Variants in NR6A1 observed in about 807,000 individuals in gnomAD.
NR6A1 encodes nuclear receptor subfamily 6 group A member 1.
A neutral mutation model predicts 59.1 loss-of-function variants in NR6A1; 7 were observed. The observed-to-expected ratio is 0.12, with a 90% confidence interval of 0.07 to 0.22. NR6A1 has a LOEUF of 0.22. Among genes scored for constraint, NR6A1 ranks in the 10% least tolerant of loss-of-function variants. The pLI is 1.00. For missense variants in NR6A1, 468 were observed against 611.6 expected, an observed-to-expected ratio of 0.77 and a Z score of 2.48; for synonymous variants, 243 against 236.1, an observed-to-expected ratio of 1.03 and a Z score of -0.27.
At position 124,771,075 on chromosome 9, in the gene NR6A1, C is replaced by G. The variant is rs1841144161; in HGVS notation, c.45G>C (p.Gly15=). The G allele has an allele frequency of 2.4e-6, 3 of 1,230,302 alleles. No homozygotes were observed. The highest frequency in any genetic ancestry group is 3.0e-6 in the Non-Finnish European group (3 of 987,030). The allele number at this position is 1,230,302 out of a possible 1,614,324, so 76.2% of individuals were successfully genotyped here. ...EPPPSGGGGG[G]GSAGFLEPPA... ...GAGGCTCCAGGAACCCCGCCGAGCC[C>G]CCGCCGCCTCCCCCTCCGCTAGGCG... Residue 15 remains glycine (G), a synonymous_variant, in exon 1 of 10, where the codon GGG becomes GGC. Coordinates refer to ENST00000487099, the MANE Select transcript of NR6A1 (RefSeq NM_033334.4).
At chr9:124,561,101 GATATT>G (rs1318190710) in intron 2 of NR6A1, among the ~76,000 whole-genome samples, 1 of 151,790 alleles carries the variant, frequency 6.6e-6, no homozygotes, top group African/African-American at 2.4e-5. Context: ...ATAGAATGTG[GATATT>G]ATATTATATT....
intron 3 of NR6A1, among the ~76,000 whole-genome samples, 176 bp downstream of exon 3, chr9:124,554,152 C>T (rs1356536473): frequency 6.6e-6 from 1 of 152,168 alleles, no homozygotes. Flanking sequence ...TAGTTTTCTT[C>T]CCCCCACCTA....
intron 2 of NR6A1, among the ~76,000 whole-genome samples, chr9:124,675,053 C>T (rs574648979): frequency 6.6e-6 from 1 of 152,294 alleles, no homozygotes; most frequent in South Asian, 2.1e-4. Flanking sequence ...CTTAGAAATG[C>T]CTTCCTGCCT....
At chr9:124,534,658 G>A (rs1588644176) in intron 7 of NR6A1, among the ~76,000 whole-genome samples, 3 of 152,128 alleles carry the variant, frequency 2.0e-5, no homozygotes. Context: ...CATCTCAGAC[G>A]GAGTCAAAGA....
intron 2 of NR6A1, among the ~76,000 whole-genome samples, chr9:124,699,455 T>C (rs908259916): frequency 6.6e-6 from 1 of 152,188 alleles, no homozygotes; most frequent in African/African-American, 2.4e-5. Flanking sequence ...TTATACTCTG[T>C]AGTGGGGTAG....
intron 7 of NR6A1, among the ~76,000 whole-genome samples, chr9:124,527,832 G>C (rs1832983105): frequency 6.6e-6 from 1 of 152,196 alleles, no homozygotes; most frequent in South Asian, 2.1e-4. Flanking sequence ...GGGGATTAAT[G>C]TTTTGGGTAT....
At chr9:124,687,637 A>C (rs1838378848) in intron 2 of NR6A1, among the ~76,000 whole-genome samples, 1 of 152,168 alleles carries the variant, frequency 6.6e-6, no homozygotes, top group South Asian at 2.1e-4. Context: ...ACACTCAAGT[A>C]AACACTCTAG....
chr9:124,598,808 G>A, intron 2 of NR6A1: 1 of 859,086 alleles, frequency 1.2e-6, no homozygotes, highest in Non-Finnish European at 2.0e-6. Flanking sequence ...TTTTTTGCCG[G>A]ATCTTTTCTT....
intron 2 of NR6A1, among the ~76,000 whole-genome samples, chr9:124,730,618 T>G (rs796983573): frequency 6.6e-6 from 1 of 151,158 alleles, no homozygotes; most frequent in African/African-American, 2.4e-5. Context: ...TGTCTCAATG[T>G]CTGTTCATTC....
intron 2 of NR6A1, among the ~76,000 whole-genome samples, chr9:124,555,569 T>A (rs1312654417): frequency 6.6e-6 from 1 of 152,180 alleles, no homozygotes; most frequent in Admixed American, 6.5e-5. Context: ...TGAGCTATGA[T>A]TGCACCACTG....
intron 2 of NR6A1, among the ~76,000 whole-genome samples, chr9:124,571,370 G>A (rs773556741): frequency 7.9e-5 from 12 of 152,154 alleles, no homozygotes; most frequent in East Asian, 3.9e-4. Flanking sequence ...GCATGGATGC[G>A]ATTGCAGAGG....
chr9:124,559,379 T>G (rs556278416), intron 2 of NR6A1, among the ~76,000 whole-genome samples: 5 of 152,308 alleles, frequency 3.3e-5, no homozygotes, highest in African/African-American at 7.2e-5. Context: ...GAGCCAAACC[T>G]GAAGCTTCCC....
intron 2 of NR6A1, among the ~76,000 whole-genome samples, chr9:124,617,503 G>A (rs1835933628): frequency 6.6e-6 from 1 of 152,152 alleles, no homozygotes; most frequent in African/African-American, 2.4e-5. Context: ...TTCTGTACTT[G>A]TATCTTTTCT....
intron 2 of NR6A1, among the ~76,000 whole-genome samples, chr9:124,645,938 A>T (rs533369567): frequency 6.6e-6 from 1 of 152,234 alleles, no homozygotes; most frequent in South Asian, 2.1e-4. Flanking sequence ...TCAGACCACA[A>T]TGGAATTAAA....
intron 2 of NR6A1, among the ~76,000 whole-genome samples, chr9:124,700,791 C>T (rs1838922924): frequency 7.8e-6 from 1 of 128,830 alleles, no homozygotes; most frequent in Non-Finnish European, 1.6e-5. Context: ...GACAAGTTCT[C>T]GCCCTGTGGC....
At chr9:124,552,839 T>C (rs1026487219) in intron 3 of NR6A1, among the ~76,000 whole-genome samples, 1 of 152,196 alleles carries the variant, frequency 6.6e-6, no homozygotes, top group Non-Finnish European at 1.5e-5. Context: ...TAAATGCACT[T>C]CCACATCTCT....
intron 2 of NR6A1, among the ~76,000 whole-genome samples, chr9:124,700,905 C>T (rs980122489): frequency 1.3e-5 from 2 of 151,958 alleles, no homozygotes; most frequent in African/African-American, 4.8e-5. Flanking sequence ...GGATTACAGG[C>T]ACATGCCAAC....
intron 2 of NR6A1, among the ~76,000 whole-genome samples, chr9:124,639,469 G>A (rs906276252): frequency 2.0e-5 from 3 of 152,168 alleles, no homozygotes; most frequent in African/African-American, 7.2e-5. Flanking sequence ...AATGAGGCTG[G>A]TTTACTTTGC....
intron 2 of NR6A1, among the ~76,000 whole-genome samples, chr9:124,678,708 A>T (rs1363138977): frequency 6.6e-6 from 1 of 152,108 alleles, no homozygotes; most frequent in Non-Finnish European, 1.5e-5. Flanking sequence ...TAACAGTCAA[A>T]CTCTCTCTAG....
Sources: allele counts gnomAD v4.1 joint callset (sites outside exome capture counted in the v4.1 genomes callset), GRCh38; gene constraint gnomAD v4.1.1; transcripts MANE v1.5; gene names NCBI Gene and HGNC (gene_info 2026-07-23, HGNC 2026-07-21).